NRG1: variants seen among roughly 807,000 people sequenced by gnomAD.
The protein encoded by NRG1 is pro-neuregulin-1, membrane-bound isoform.
In NRG1, 18 loss-of-function variants were observed where a neutral mutation model predicts 63.8. That is an observed-to-expected ratio of 0.28 (90% confidence interval 0.19 to 0.42). NRG1 has a LOEUF of 0.42. Among genes scored for constraint, NRG1 ranks in the 10% least tolerant of loss-of-function variants. The pLI, the probability that NRG1 is intolerant of heterozygous loss-of-function variation, is 1.00. For synonymous variants in NRG1, 302 were observed against 301.3 expected (o/e 1.00, Z -0.02); for missense variants, 762 against 814.7 (o/e 0.94, Z 0.79).
intron 1 of NRG1, among the ~76,000 whole-genome samples, chr8:31,923,724 A>G (rs935120829): frequency 6.6e-6 from 1 of 151,708 alleles, no homozygotes; most frequent in Non-Finnish European, 1.5e-5. Context: ...TATTTTTTGT[A>G]TATGTCCATA....
intron 1 of NRG1, chr8:32,063,272 C>G (rs1824182632): frequency 6.6e-6 from 1 of 152,104 alleles, no homozygotes; most frequent in South Asian, 2.1e-4. Flanking sequence ...AGAAAAGAAG[C>G]TCCATAAGAA....
chr8:32,441,960 C>A (rs894330299), intron 1 of NRG1, among the ~76,000 whole-genome samples: 1 of 152,072 alleles, frequency 6.6e-6, no homozygotes, highest in African/African-American at 2.4e-5. Flanking sequence ...ATATTTAAAG[C>A]TCCTAGGTTA....
chr8:32,625,736 T>C (rs1244670339), intron 5 of NRG1, among the ~76,000 whole-genome samples: 1 of 151,956 alleles, frequency 6.6e-6, no homozygotes, highest in Admixed American at 6.6e-5. Flanking sequence ...GCCCTGTTTT[T>C]GCTGTTTGAT....
chr8:31,861,516 A>G (rs1238094108), intron 1 of NRG1, among the ~76,000 whole-genome samples: 1 of 152,222 alleles, frequency 6.6e-6, no homozygotes, highest in Non-Finnish European at 1.5e-5. Context: ...AACAACATAC[A>G]ATAAAGTTGT....
At chr8:31,649,551 G>A (rs1024195553) in intron 1 of NRG1, among the ~76,000 whole-genome samples, 11 of 152,124 alleles carry the variant, frequency 7.2e-5, no homozygotes, top group African/African-American at 2.7e-4. Context: ...TCAACTCTTA[G>A]TTTAAATAGC....
intron 1 of NRG1, among the ~76,000 whole-genome samples, chr8:31,865,690 A>C (rs368394071): frequency 2.0e-5 from 3 of 152,008 alleles, no homozygotes; most frequent in Admixed American, 6.6e-5. Flanking sequence ...TTCTGCCACA[A>C]TTGTAAGTTT....
At chr8:32,384,382 A>G (rs990274305) in intron 1 of NRG1, among the ~76,000 whole-genome samples, 9 of 152,384 alleles carry the variant, frequency 5.9e-5, no homozygotes, top group Non-Finnish European at 1.3e-4. Flanking sequence ...TTTAGCACAG[A>G]GATAAGAGAT....
rs146249152 is a variant in NRG1 at position 32,423,558 on chromosome 8, T to C, written c.38-172270T>C. On this transcript the variant is annotated intron_variant, in intron 1 of 10. Coordinates refer to the NRG1 transcript ENST00000519301. ...TACCCGAGAAGCTAAGGTGGGAGGA[T>C]TGCTTGAGCCCCAGGAAGTGGAGGC... 2.6e-5 allele frequency among the ~76,000 whole-genome samples: 4 copies of C among 152,046 alleles called. 1 individual carries two copies. The highest frequency in any genetic ancestry group is 7.2e-5 in the African/African-American group (3 of 41,498).
intron 1 of NRG1, among the ~76,000 whole-genome samples, chr8:32,532,730 G>A (rs943545103): frequency 6.6e-6 from 1 of 151,830 alleles, no homozygotes; most frequent in African/African-American, 2.4e-5. Context: ...ATGGAGATTT[G>A]TTTTTAAAGG....
At chr8:31,797,264 TC>T (rs1821315072) in intron 1 of NRG1, among the ~76,000 whole-genome samples, 1 of 152,214 alleles carries the variant, frequency 6.6e-6, no homozygotes, top group Admixed American at 6.5e-5. Context: ...TAAGCTCCTT[TC>T]CTAGAGATAC....
downstream of NRG1, among the ~76,000 whole-genome samples, chr8:32,771,311 G>T (rs896042691): frequency 1.5e-5 from 2 of 135,520 alleles, no homozygotes; most frequent in Non-Finnish European, 3.1e-5. Context: ...TTTTTGGTAG[G>T]GACAAGGTCT....
At chr8:32,680,205 A>G (rs1336616561) in intron 5 of NRG1, among the ~76,000 whole-genome samples, 1 of 152,156 alleles carries the variant, frequency 6.6e-6, no homozygotes, top group Non-Finnish European at 1.5e-5. Context: ...CATTTTCAAA[A>G]TGAATGCACC....
intron 5 of NRG1, among the ~76,000 whole-genome samples, chr8:32,653,039 C>T (rs1182267609): frequency 2.0e-5 from 3 of 152,154 alleles, no homozygotes; most frequent in Admixed American, 6.5e-5. Context: ...AACTACATTC[C>T]GTCTACTTTT....
At chr8:32,321,887 C>T (rs1405194991) in intron 1 of NRG1, among the ~76,000 whole-genome samples, 1 of 151,408 alleles carries the variant, frequency 6.6e-6, no homozygotes, top group Non-Finnish European at 1.5e-5. Context: ...AGACCTCACT[C>T]TCTTAGTCAT....
At chr8:32,445,782 T>A (rs1820160673) in intron 1 of NRG1, among the ~76,000 whole-genome samples, 1 of 152,144 alleles carries the variant, frequency 6.6e-6, no homozygotes, top group Non-Finnish European at 1.5e-5. Context: ...CCCCAGGATT[T>A]ATCAGAAGTG....
At chr8:32,667,417 T>C (rs1804477617) in intron 5 of NRG1, among the ~76,000 whole-genome samples, 1 of 152,194 alleles carries the variant, frequency 6.6e-6, no homozygotes, top group Non-Finnish European at 1.5e-5. Flanking sequence ...AATACTGATA[T>C]GAACATGGGT....
upstream of NRG1, among the ~76,000 whole-genome samples, chr8:32,544,341 C>G (rs1832853039): frequency 6.6e-6 from 1 of 152,010 alleles, no homozygotes; most frequent in African/African-American, 2.4e-5. Flanking sequence ...AGCTTCATTT[C>G]CAGAAAACTC....
intron 1 of NRG1, among the ~76,000 whole-genome samples, chr8:31,740,106 G>A (rs1815108962): frequency 6.6e-6 from 1 of 151,972 alleles, no homozygotes; most frequent in African/African-American, 2.4e-5. Flanking sequence ...TTTATGTTAA[G>A]TGTTTTGTTT....
intron 5 of NRG1, among the ~76,000 whole-genome samples, chr8:32,723,507 C>T (rs1451483619): frequency 6.6e-6 from 1 of 151,400 alleles, no homozygotes; most frequent in Non-Finnish European, 1.5e-5. Context: ...TGGTGAAACC[C>T]CCTCTCTACT....
Sources: gnomAD v4.1 joint callset for allele counts (sites outside exome capture counted in the v4.1 genomes callset) on GRCh38, gnomAD v4.1.1 for gene constraint, MANE v1.5 for transcripts, NCBI Gene and HGNC (gene_info 2026-07-23, HGNC 2026-07-21) for gene names.